DPF3: variants seen among roughly 807,000 people sequenced by gnomAD.
The protein encoded by DPF3 is zinc finger protein DPF3.
A neutral mutation model predicts 56.8 loss-of-function variants in DPF3; 18 were observed. The ratio of observed to expected loss-of-function variants is 0.32; its 90% CI spans 0.22 to 0.47. The LOEUF (loss-of-function observed/expected upper bound fraction) is 0.47, where lower values mean the gene tolerates loss of function less well. Ranked by LOEUF, DPF3 falls within the 20% of genes least tolerant of loss-of-function variation. The probability of loss-of-function intolerance (pLI) is 1.00; values close to 1 mark genes in which losing one functional copy is unlikely to be tolerated. For missense variants in DPF3, 403 were observed against 488.8 expected, an observed-to-expected ratio of 0.82 and a Z score of 1.65; for synonymous variants, 188 against 180.2, an observed-to-expected ratio of 1.04 and a Z score of -0.35.
At chr14:72,690,348 G>A (rs1384631397) in intron 7 of DPF3, among the ~76,000 whole-genome samples, 1 of 152,084 alleles carries the variant, frequency 6.6e-6, no homozygotes, top group Non-Finnish European at 1.5e-5. Flanking sequence ...GGGACCACAG[G>A]GATCACTGGG....
chr14:72,815,689 T>C (rs1219495688), intron 1 of DPF3, among the ~76,000 whole-genome samples: 1 of 152,256 alleles, frequency 6.6e-6, no homozygotes, highest in East Asian at 1.9e-4. Flanking sequence ...TCAGTTCCTA[T>C]TGCTACTCTA....
chr14:72,702,422 G>C (rs2153574261), intron 6 of DPF3, among the ~76,000 whole-genome samples: 1 of 152,198 alleles, frequency 6.6e-6, no homozygotes, highest in South Asian at 2.1e-4. Flanking sequence ...TGGGGATAGG[G>C]AGGGCTTCCC....
intron 1 of DPF3, chr14:72,892,640 A>C (rs1269464241): frequency 8.9e-7 from 1 of 1,120,142 alleles, no homozygotes; most frequent in Non-Finnish European, 1.1e-6. Flanking sequence ...CCAGGGGTGA[A>C]GACGAGAATG....
chr14:72,863,184 C>T (rs1374542475), intron 1 of DPF3, among the ~76,000 whole-genome samples: 2 of 143,162 alleles, frequency 1.4e-5, no homozygotes, highest in Non-Finnish European at 3.0e-5. Flanking sequence ...GTGTGTATCC[C>T]CAGGCCTTTC....
chr14:72,893,183 G>T (rs1276865685), intron 1 of DPF3, among the ~76,000 whole-genome samples: 1 of 152,052 alleles, frequency 6.6e-6, no homozygotes, highest in Non-Finnish European at 1.5e-5. Context: ...TCGCCCGGCC[G>T]GGAGCAGACG....
At chr14:72,786,530 G>A (rs1002470197) in intron 1 of DPF3, among the ~76,000 whole-genome samples, 13 of 152,178 alleles carry the variant, frequency 8.5e-5, no homozygotes, top group East Asian at 3.8e-4. Context: ...TGACAGAGTC[G>A]AGTAGTTCCA....
intron 2 of DPF3, among the ~76,000 whole-genome samples, chr14:72,759,722 C>G (rs933192230): frequency 6.6e-6 from 1 of 152,114 alleles, no homozygotes; most frequent in East Asian, 1.9e-4. Context: ...AAAACTACAG[C>G]AAAGTATGTC....
Position 72,714,361 on chromosome 14 carries a change from G to A in DPF3, c.604+62C>T, listed in dbSNP as rs1567209030. 14 of 1,599,390 alleles carry A rather than the reference G, an allele frequency of 8.8e-6. No individual in the cohort carries two copies. In the South Asian group the frequency reaches 1.3e-4, roughly 15 times the overall value. ...AGGCGGATGGCCAAGGAAGCACAGG[G>A]AAGAGGGGCCCTGGGGGCAGGCGCA... On this transcript the variant is annotated intron_variant, in intron 6 of 10. Coordinates refer to ENST00000556509, the MANE Select transcript of DPF3 (RefSeq NM_001280542.3).
intron 1 of DPF3, among the ~76,000 whole-genome samples, chr14:72,861,779 GAAA>G (rs1885437923): frequency 2.7e-5 from 4 of 148,950 alleles, no homozygotes; most frequent in African/African-American, 1.0e-4. Context: ...AAGAAAGAAA[GAAA>G]GAAAGAAAGA....
intron 2 of DPF3, among the ~76,000 whole-genome samples, chr14:72,756,894 A>G (rs1228231242): frequency 1.9e-5 from 2 of 106,376 alleles, no homozygotes; most frequent in African/African-American, 9.5e-5. Context: ...GGAAAGAAAG[A>G]AAGAAAAGAA....
chr14:72,814,030 C>T (rs902524197), intron 1 of DPF3, among the ~76,000 whole-genome samples: 8 of 152,192 alleles, frequency 5.3e-5, no homozygotes, highest in East Asian at 1.9e-4. Flanking sequence ...CCATCTCTAC[C>T]GGCTGATAGT....
chr14:72,735,894 AT>A (rs952907484), intron 3 of DPF3, among the ~76,000 whole-genome samples: 15 of 152,360 alleles, frequency 9.8e-5, no homozygotes, highest in African/African-American at 3.4e-4. Context: ...AACTAGTGTG[AT>A]AAATAGGGTA....
chr14:72,723,617 G>A lies in DPF3; in HGVS notation c.525+16C>T. On this transcript the variant is annotated intron_variant, in intron 5 of 10. Transcript: ENST00000556509. ...CTCCCTCATCTCTTTCCTCGCTCAT[G>A]TCATCCCCAACTTACCCGTCCTCTA... 1 of 1,554,602 alleles carries A rather than the reference G, an allele frequency of 6.4e-7. No homozygotes were observed. Among genetic ancestry groups the A allele is most frequent in the Non-Finnish European group, 8.6e-7 (1 of 1,158,996 alleles).
rs541964758 is a variant in DPF3, at chr14:72,874,542, G to A, written c.32+19515C>T. Reference sequence around the variant, plus strand: ...AGATAACCTAAATCATCTCTCTCAAGTTCAAAGTTTCACGAATCTCTAGGG... The same window carrying A: ...AGATAACCTAAATCATCTCTCTCAAATTCAAAGTTTCACGAATCTCTAGGG... On this transcript the variant is annotated intron_variant, in intron 1 of 10. Coordinates refer to ENST00000556509, the MANE Select transcript of DPF3 (RefSeq NM_001280542.3). Among the ~76,000 whole-genome samples, 4 of 152,126 alleles carry A rather than the reference G, an allele frequency of 2.6e-5. No individual in the cohort carries two copies. The South Asian group carries it at 8.3e-4, about 32-fold the overall frequency.
At chr14:72,846,538 A>G (rs924903544) in intron 1 of DPF3, among the ~76,000 whole-genome samples, 6 of 151,372 alleles carry the variant, frequency 4.0e-5, no homozygotes, top group African/African-American at 1.2e-4. Flanking sequence ...AGGTTTCACC[A>G]TGTTAGCCAG....
chr14:72,720,405 C>A (rs1162852435), intron 5 of DPF3, among the ~76,000 whole-genome samples: 1 of 152,188 alleles, frequency 6.6e-6, no homozygotes, highest in Admixed American at 6.5e-5. Context: ...GCTTCACACA[C>A]CCCAGCACAG....
chr14:72,803,936 G>A (rs1222425451), intron 1 of DPF3, among the ~76,000 whole-genome samples: 2 of 151,636 alleles, frequency 1.3e-5, no homozygotes, highest in East Asian at 1.9e-4. Flanking sequence ...GTCATACACA[G>A]GCAAATAACT....
chr14:72,786,247 A>G (rs1182003999), intron 1 of DPF3, among the ~76,000 whole-genome samples: 2 of 151,356 alleles, frequency 1.3e-5, no homozygotes, highest in African/African-American at 4.8e-5. Flanking sequence ...TGGGCAACAG[A>G]GCGAGACTCC....
At chr14:72,697,508 T>G (rs998230109) in intron 6 of DPF3, among the ~76,000 whole-genome samples, 2 of 152,134 alleles carry the variant, frequency 1.3e-5, no homozygotes, top group African/African-American at 4.8e-5. Context: ...TTATCACCTC[T>G]GCAAACTGCG....
Sources: allele counts gnomAD v4.1 joint callset (sites outside exome capture counted in the v4.1 genomes callset), GRCh38; gene constraint gnomAD v4.1.1; transcripts MANE v1.5; gene names NCBI Gene and HGNC (gene_info 2026-07-23, HGNC 2026-07-21).